The following ERG variants were observed in gnomAD, a reference collection of about 807,000 sequenced individuals.
ERG encodes the protein ETS transcription factor ERG.
A neutral mutation model predicts 55.3 loss-of-function variants in ERG; 9 were observed. The ratio of observed to expected loss-of-function variants is 0.16; its 90% CI spans 0.10 to 0.28. ERG has a LOEUF of 0.28. ERG is among the 10% of genes least tolerant of loss of function. The pLI, the probability that ERG is intolerant of heterozygous loss-of-function variation, is 1.00. For synonymous variants in ERG, 223 were observed against 237.3 expected (o/e 0.94, Z 0.55); for missense variants, 434 against 631.6 (o/e 0.69, Z 3.35).
At chr21:38,563,624 C>T (rs900322328) in intron 2 of ERG, among the ~76,000 whole-genome samples, 1 of 152,206 alleles carries the variant, frequency 6.6e-6, no homozygotes, top group Non-Finnish European at 1.5e-5. Flanking sequence ...CAGAATACAA[C>T]AAAGTCCCTG....
At chr21:38,579,766 AG>A (rs2146873141) in intron 1 of ERG, among the ~76,000 whole-genome samples, 1 of 151,910 alleles carries the variant, frequency 6.6e-6, no homozygotes, top group African/African-American at 2.4e-5. Context: ...CCTAAAGACC[AG>A]GAGAATAAAA....
chr21:38,390,845 C>T (rs1987937599), intron 9 of ERG, 150 bp downstream of exon 9: 1 of 662,174 alleles, frequency 1.5e-6, no homozygotes, highest in Non-Finnish European at 2.7e-6. Context: ...ATAACCCAAC[C>T]CATCTTTCCA....
rs2146452978 is a variant in ERG, at chr21:38,402,579, C to T, written c.651G>A (p.Arg217=). 6.2e-7 allele frequency: 1 copy of T among 1,611,942 alleles called. No individual in the cohort carries two copies. The highest frequency in any genetic ancestry group is 8.5e-7 in the Non-Finnish European group (1 of 1,179,430). ...TACCTGTGTTTCTAGCATGCATTAA[C>T]CGTGGAGAGTTTTGTAAGGCTTTAT... ...DVDKALQNSP[R]LMHARNTGGA... Residue 217 remains arginine, a synonymous_variant, in exon 5 of 10, where the codon CGG becomes CGA. Coordinates refer to ENST00000288319, the MANE Select transcript of ERG (RefSeq NM_182918.4).
rs1601121859 is a variant in ERG at position 38,488,458 on chromosome 21, G to C, written c.18+9905C>G. On this transcript the variant is annotated intron_variant, in intron 1 of 9. Transcript: ENST00000288319. ...GATCTATTTTTTTTTCTCCTACAAA[G>C]GGGCCAGTCTGCAAGGACACATCCT... Among the ~76,000 whole-genome samples, 6 of 152,088 alleles carry C rather than the reference G, an allele frequency of 3.9e-5. No individual in the cohort carries two copies. In the South Asian group the frequency reaches 1.2e-3, roughly 32 times the overall value.
chr21:38,597,090 C>T (rs1272295138), intron 1 of ERG, among the ~76,000 whole-genome samples: 1 of 152,314 alleles, frequency 6.6e-6, no homozygotes, highest in South Asian at 2.1e-4. Flanking sequence ...GGCTGTGGCC[C>T]ACTCTGGAGA....
intron 1 of ERG, among the ~76,000 whole-genome samples, chr21:38,658,348 G>A (rs1394665347): frequency 2.6e-5 from 4 of 152,052 alleles, no homozygotes; most frequent in Non-Finnish European, 5.9e-5. Context: ...GCTCTGTGTC[G>A]ACACCTTCTC....
rs117495419 is a variant in ERG at position 38,523,322 on chromosome 21, T to C, written c.-41+52340A>G. Among the ~76,000 whole-genome samples, 166 of 152,370 alleles carry C rather than the reference T, an allele frequency of 1.1e-3. 1 individual carries two copies. Among genetic ancestry groups the C allele is most frequent in the East Asian group, 0.011 (56 of 5,186 alleles). On this transcript the variant is annotated intron_variant, in intron 2 of 8. Transcript: ENST00000398897. ...GGTTGTCTATCACAAATAAGCCATC[T>C]ATTTTGTTATTCCTGTAACTTTTTG...
intron 1 of ERG, among the ~76,000 whole-genome samples, chr21:38,640,767 A>G (rs2060419662): frequency 6.6e-6 from 1 of 152,184 alleles, no homozygotes; most frequent in South Asian, 2.1e-4. Context: ...ACTAATACAA[A>G]GTCCAAATGA....
At chr21:38,575,658 T>A (rs766335116) in intron 2 of ERG, 2 of 1,613,192 alleles carry the variant, frequency 1.2e-6, no homozygotes, top group Non-Finnish European at 1.7e-6. Context: ...AAGACGGGAC[T>A]TACCTTGATA....
chr21:38,657,602 CT>C (rs1295702909), intron 1 of ERG, among the ~76,000 whole-genome samples: 1 of 152,084 alleles, frequency 6.6e-6, no homozygotes, highest in African/African-American at 2.4e-5. Context: ...AAAGATGCCC[CT>C]TTTAACTTTA....
chr21:38,497,862 A>G (rs1454208814), intron 1 of ERG, among the ~76,000 whole-genome samples: 2 of 152,114 alleles, frequency 1.3e-5, no homozygotes, highest in Non-Finnish European at 2.9e-5. Context: ...TCAAGTCAAC[A>G]TTTGCGTCCC....
At chr21:38,400,706 A>G (rs2146449082) in intron 5 of ERG, 61 bp from the exon 6 acceptor site, 1 of 1,297,702 alleles carries the variant, frequency 7.7e-7, no homozygotes, top group Non-Finnish European at 1.1e-6. Context: ...CGATCTCAAC[A>G]TCAGCGCCAA....
chr21:38,414,427 TGTAACA>T (rs1989192780), intron 3 of ERG, among the ~76,000 whole-genome samples: 1 of 152,172 alleles, frequency 6.6e-6, no homozygotes. Flanking sequence ...TTTTTTAACC[TGTAACA>T]GGCAGCTGTT....
At chr21:38,586,730 G>T (rs191206316), upstream of ERG, among the ~76,000 whole-genome samples, 374 of 152,208 alleles carry the variant, frequency 2.5e-3, 1 homozygote, top group African/African-American at 8.2e-3. Context: ...AACTCAATTT[G>T]GTATGTATTA....
At chr21:38,449,923 C>T (rs570459780) in intron 1 of ERG, among the ~76,000 whole-genome samples, 6 of 152,186 alleles carry the variant, frequency 3.9e-5, no homozygotes, top group Middle Eastern at 3.4e-3. Flanking sequence ...ATGGTCCTTT[C>T]GTGGTTTTCA....
intron 1 of ERG, among the ~76,000 whole-genome samples, chr21:38,590,848 T>G (rs2060096286): frequency 6.6e-6 from 1 of 152,180 alleles, no homozygotes; most frequent in Non-Finnish European, 1.5e-5. Context: ...AAATGCCAAC[T>G]CCCCCATTGC....
At chr21:38,498,482 T>C (rs1431088014), upstream of ERG, 3 of 1,521,736 alleles carry the variant, frequency 2.0e-6, no homozygotes, top group African/African-American at 1.4e-5. This position sits in a 1 kb window ranked among gnomAD's most constrained non-coding sequence, Gnocchi z 4.6. Context: ...GCGGATGAGA[T>C]TGTGCTAAGT....
chr21:38,528,204 A>G (rs2059644082), intron 2 of ERG, among the ~76,000 whole-genome samples: 1 of 152,168 alleles, frequency 6.6e-6, no homozygotes, highest in Admixed American at 6.5e-5. Context: ...GACACCAAGC[A>G]CTGGATTAGG....
At chr21:38,459,577 C>T (rs992083500) in intron 1 of ERG, among the ~76,000 whole-genome samples, 1 of 152,146 alleles carries the variant, frequency 6.6e-6, no homozygotes, top group Non-Finnish European at 1.5e-5. Flanking sequence ...TTTTAATCAC[C>T]CCCTAAACTG....
Sources: allele counts gnomAD v4.1 joint callset (sites outside exome capture counted in the v4.1 genomes callset), GRCh38; gene constraint gnomAD v4.1.1; non-coding constraint Gnocchi (gnomAD v3.1); transcripts MANE v1.5; gene names NCBI Gene and HGNC (gene_info 2026-07-23, HGNC 2026-07-21).